Variants in BBOX1 observed in about 807,000 individuals in gnomAD.
BBOX1 encodes the protein gamma-butyrobetaine hydroxylase 1, also known as gamma-butyrobetaine dioxygenase.
In BBOX1, 35 loss-of-function variants were observed where a neutral mutation model predicts 41.6. The ratio of observed to expected loss-of-function variants is 0.84; its 90% CI spans 0.64 to 1.11. The LOEUF (loss-of-function observed/expected upper bound fraction) is 1.11. Among genes scored for constraint, BBOX1 ranks in the 50% most tolerant of loss-of-function variants. The probability of loss-of-function intolerance (pLI) is 0.00; values close to 1 mark genes in which losing one functional copy is unlikely to be tolerated. For missense variants in BBOX1, 458 were observed against 460.6 expected (o/e 0.99, Z 0.05); for synonymous variants, 163 against 154.7 (o/e 1.05, Z -0.40).
At chr11:27,060,334 G>A (rs2133971118) in intron 4 of BBOX1, among the ~76,000 whole-genome samples, 1 of 152,162 alleles carries the variant, frequency 6.6e-6, no homozygotes, top group East Asian at 1.9e-4. Flanking sequence ...CTTCCATCAT[G>A]ATTTTAAGTC....
intron 4 of BBOX1, among the ~76,000 whole-genome samples, chr11:27,076,457 G>A (rs1435481198): frequency 6.6e-6 from 1 of 152,150 alleles, no homozygotes; most frequent in Non-Finnish European, 1.5e-5. Context: ...TCCTTCTTGA[G>A]CACTGTGTTA....
intron 4 of BBOX1, among the ~76,000 whole-genome samples, chr11:27,089,595 G>A (rs905863039): frequency 1.2e-4 from 18 of 151,940 alleles, no homozygotes; most frequent in African/African-American, 4.1e-4. Flanking sequence ...TTAGGCAAAC[G>A]TTTTATTCAG....
At position 27,057,063 on chromosome 11, in the gene BBOX1, T is replaced by TA. The variant is rs1459422645; in HGVS notation, c.220-138_220-137insA. 8.5e-4 allele frequency: 127 copies of TA among 149,868 alleles called. 8 individuals carry two copies. In the East Asian group the frequency reaches 0.01, roughly 12 times the overall value. The allele number at this position is 149,868 out of a possible 1,614,324, so 9.3% of individuals were successfully genotyped here. On this transcript the variant is annotated intron_variant, in intron 3 of 8. Coordinates refer to ENST00000263182, the MANE Select transcript of BBOX1 (RefSeq NM_003986.3). ...CCTGGCAACAGAGGAAGACTCCGAC[T>TA]TAAAAAAAAAAAAAAAAAAAAATTA...
At position 27,089,634 on chromosome 11, in the gene BBOX1, G is replaced by A. The variant is rs566178681; in HGVS notation, c.335-3534G>A. ...TAAGAACAAATGGTGATGGGAAATCGAAAAATCAATATGAAAATGCCAAGT... is the reference window on the plus strand; with the variant it reads ...TAAGAACAAATGGTGATGGGAAATCAAAAAATCAATATGAAAATGCCAAGT... On this transcript the variant is annotated intron_variant, in intron 4 of 8. Coordinates refer to ENST00000263182, the MANE Select transcript of BBOX1 (RefSeq NM_003986.3). Among the ~76,000 whole-genome samples, 24 of 152,012 alleles carry A rather than the reference G, an allele frequency of 1.6e-4. No individual in the cohort carries two copies. In the South Asian group the frequency reaches 2.1e-3, roughly 13 times the overall value.
At chr11:27,057,910 G>C (rs989472817) in intron 4 of BBOX1, among the ~76,000 whole-genome samples, 4 of 151,940 alleles carry the variant, frequency 2.6e-5, no homozygotes, top group African/African-American at 9.7e-5. Flanking sequence ...AAACTGCAAG[G>C]GTGGATTCAG....
rs1564948566 is a variant in BBOX1 at position 27,043,759 on chromosome 11, CGG to C, written c.-39+2282_-39+2283del. ...GCTTCCAGCTTCCTCCATGTCCCTG[CGG>C]AGGACATGAACTCATCCTTTTTTAT... On this transcript the variant is annotated intron_variant, in intron 2 of 8. Transcript: ENST00000263182. 7.3e-5 allele frequency among the ~76,000 whole-genome samples: 11 copies of C among 150,570 alleles called. No homozygotes were observed. In the East Asian group the frequency reaches 2.1e-3, roughly 29 times the overall value.
chr11:27,075,977 C>T (rs1244465781), intron 4 of BBOX1, among the ~76,000 whole-genome samples: 2 of 152,220 alleles, frequency 1.3e-5, no homozygotes, highest in Non-Finnish European at 1.5e-5. Flanking sequence ...GTATCTGTGC[C>T]TCTACTGAAA....
intron 4 of BBOX1, among the ~76,000 whole-genome samples, chr11:27,084,923 G>C (rs545869949): frequency 2.0e-4 from 30 of 152,234 alleles, no homozygotes; most frequent in East Asian, 1.2e-3. Context: ...GTTAAATTAG[G>C]AAGGGTGGTT....
chr11:27,056,084 A>G (rs963076113), intron 3 of BBOX1, among the ~76,000 whole-genome samples: 1 of 152,100 alleles, frequency 6.6e-6, no homozygotes, highest in Admixed American at 6.5e-5. Flanking sequence ...CTAGATAGAA[A>G]TGTTGTTTAC....
chr11:27,092,982 A>G (rs1395871006), intron 4 of BBOX1, among the ~76,000 whole-genome samples, 186 bp from the exon 5 acceptor site: 1 of 151,942 alleles, frequency 6.6e-6, no homozygotes, highest in Non-Finnish European at 1.5e-5. Flanking sequence ...GGAGGCATAT[A>G]ACAGACTGGT....
chr11:27,104,116 G>C (rs566674238), intron 5 of BBOX1, among the ~76,000 whole-genome samples: 1 of 152,128 alleles, frequency 6.6e-6, no homozygotes, highest in East Asian at 1.9e-4. Context: ...GATTTATCTG[G>C]TTTGTTTCTA....
intron 4 of BBOX1, among the ~76,000 whole-genome samples, chr11:27,060,274 T>TAG (rs1857100051): frequency 6.6e-6 from 1 of 152,116 alleles, no homozygotes. Context: ...ACACCTCCCT[T>TAG]ATCTGTTTCT....
chr11:27,124,812 C>G (rs1201856036), intron 7 of BBOX1, among the ~76,000 whole-genome samples: 1 of 152,308 alleles, frequency 6.6e-6, no homozygotes, highest in Admixed American at 6.5e-5. Context: ...GTGTGAGCCA[C>G]CGTGCCCGGC....
chr11:27,071,959 A>G (rs909381787), intron 4 of BBOX1, among the ~76,000 whole-genome samples: 1 of 152,036 alleles, frequency 6.6e-6, no homozygotes, highest in Non-Finnish European at 1.5e-5. Context: ...CCCACAGCCA[A>G]TATCATACTG....
intron 4 of BBOX1, among the ~76,000 whole-genome samples, chr11:27,077,230 CA>C (rs1013638726): frequency 6.6e-6 from 1 of 152,100 alleles, no homozygotes; most frequent in African/African-American, 2.4e-5. Context: ...GGCTTCCCTC[CA>C]TCCATGCTGG....
chr11:27,044,940 A>G lies in BBOX1; in HGVS notation c.-39+3462A>G, dbSNP rs561389290. ...CTTTTTTGGTTCCACATGAACTTTA[A>G]AGTAGTTTTTTCCAATTCTGTGAAG... On this transcript the variant is annotated intron_variant, in intron 2 of 8. Transcript: ENST00000263182. 1.1e-3 allele frequency among the ~76,000 whole-genome samples: 163 copies of G among 152,208 alleles called. 2 individuals carry two copies. Among genetic ancestry groups the G allele is most frequent in the Non-Finnish European group, 1.6e-3 (110 of 68,010 alleles).
At chr11:27,088,354 G>A (rs1163617462) in intron 4 of BBOX1, among the ~76,000 whole-genome samples, 1 of 152,078 alleles carries the variant, frequency 6.6e-6, no homozygotes, top group African/African-American at 2.4e-5. Flanking sequence ...AAAAAGGCAT[G>A]GATCACTGAA....
chr11:27,050,895 G>T (rs1851650767), intron 2 of BBOX1, among the ~76,000 whole-genome samples: 7 of 152,016 alleles, frequency 4.6e-5, no homozygotes, highest in Admixed American at 4.6e-4. Context: ...GTTAGAGTGG[G>T]CATTCTTGTC....
At chr11:27,105,734 T>C (rs943673165) in intron 5 of BBOX1, among the ~76,000 whole-genome samples, 4 of 151,864 alleles carry the variant, frequency 2.6e-5, no homozygotes, top group East Asian at 1.9e-4. Context: ...TCAGGAAATA[T>C]AGAGAACACC....
Sources: gnomAD v4.1 joint callset for allele counts (sites outside exome capture counted in the v4.1 genomes callset) on GRCh38, gnomAD v4.1.1 for gene constraint, MANE v1.5 for transcripts, NCBI Gene and HGNC (gene_info 2026-07-23, HGNC 2026-07-21) for gene names.